The following PEAK1 variants were observed in gnomAD, a reference collection of about 807,000 sequenced individuals.
The protein encoded by PEAK1 is pseudopodium enriched atypical kinase 1.
PEAK1 carries 54 observed loss-of-function variants against 124.7 expected under a neutral mutation model. The ratio of observed to expected loss-of-function variants is 0.43; its 90% CI spans 0.35 to 0.54. PEAK1 has a LOEUF of 0.54. Ranked by LOEUF, PEAK1 falls within the 20% of genes least tolerant of loss-of-function variation. PEAK1 has a pLI of 0.01. For synonymous variants in PEAK1, 719 were observed against 760.0 expected (o/e 0.95, Z 0.89); for missense variants, 2,046 against 2,134.5 (o/e 0.96, Z 0.82).
chr15:77,287,027 T>C (rs916207519), intron 2 of PEAK1, among the ~76,000 whole-genome samples: 2 of 152,204 alleles, frequency 1.3e-5, no homozygotes, highest in Non-Finnish European at 2.9e-5. Flanking sequence ...CCCAGTCATG[T>C]ACCCTGTAGA....
At chr15:77,347,089 C>G in intron 2 of PEAK1, 1 of 477,780 alleles carries the variant, frequency 2.1e-6, no homozygotes, top group Non-Finnish European at 2.7e-6. Context: ...TGCAGAGGGA[C>G]AAGGAGTAGA....
chr15:77,257,133 A>G (rs1444039063), intron 5 of PEAK1, among the ~76,000 whole-genome samples: 1 of 152,072 alleles, frequency 6.6e-6, no homozygotes, highest in African/African-American at 2.4e-5. Flanking sequence ...TCATTGATGG[A>G]CATTTGGGTT....
At chr15:77,385,186 A>G (rs2069822956) in intron 1 of PEAK1, among the ~76,000 whole-genome samples, 1 of 152,232 alleles carries the variant, frequency 6.6e-6, no homozygotes. Context: ...AGCAATAAGT[A>G]TAACACCATC....
chr15:77,265,641 C>G (rs957173443), intron 5 of PEAK1, among the ~76,000 whole-genome samples: 3 of 151,780 alleles, frequency 2.0e-5, no homozygotes, highest in Non-Finnish European at 4.4e-5. Flanking sequence ...AATAGGAACA[C>G]TTTTACACTG....
intron 1 of PEAK1, among the ~76,000 whole-genome samples, chr15:77,366,103 T>C (rs1402803986): frequency 6.6e-6 from 1 of 152,228 alleles, no homozygotes; most frequent in Admixed American, 6.5e-5. Flanking sequence ...ATTATAGTCA[T>C]TGGCACCCTT....
intron 6 of PEAK1, among the ~76,000 whole-genome samples, chr15:77,250,834 G>C (rs1407886599): frequency 6.6e-6 from 1 of 152,154 alleles, no homozygotes; most frequent in Non-Finnish European, 1.5e-5. Context: ...CTCCCAAAGT[G>C]CTGGGATTAC....
At position 77,108,314 on chromosome 15, in the gene PEAK1, G is replaced by T. The variant is rs1451945933; in HGVS notation, c.*5842C>A. ...ACAACTTTACAATATGTAAGTAGAGGGGTGAAGCTCCGGAAAGAGCAAAAA... is the reference window on the plus strand; with the variant it reads ...ACAACTTTACAATATGTAAGTAGAGTGGTGAAGCTCCGGAAAGAGCAAAAA... On this transcript the variant is annotated 3_prime_UTR_variant, in exon 10 of 10. Transcript: ENST00000682557. The T allele has an allele frequency of 6.6e-6, 1 of 152,218 alleles. No homozygotes were observed. The highest frequency in any genetic ancestry group is 1.5e-5 in the Non-Finnish European group (1 of 68,042). 9.4% of individuals were successfully genotyped at this position (152,218 alleles called of 1,614,324 possible). A position where few individuals can be genotyped will look rare whatever the true frequency, so the allele number is the denominator to read the frequency against.
intron 1 of PEAK1, chr15:77,381,152 A>C (rs1351448377): frequency 1.1e-6 from 1 of 899,244 alleles, no homozygotes; most frequent in Non-Finnish European, 1.3e-6. Context: ...ACATGCTAAA[A>C]ATCATGTTTT....
At chr15:77,418,344 C>A in intron 1 of PEAK1, 1 of 985,248 alleles carries the variant, frequency 1.0e-6, no homozygotes, top group Non-Finnish European at 1.2e-6. Flanking sequence ...AATAATTTGA[C>A]ATTTTTTCCC....
intron 8 of PEAK1, chr15:77,157,690 A>T (rs1262573451): frequency 6.6e-6 from 1 of 152,154 alleles, no homozygotes; most frequent in East Asian, 1.9e-4. Flanking sequence ...GATACATTAT[A>T]GATTCTTTAC....
chr15:77,107,578 C>G (rs573451847), downstream of PEAK1: 1 of 152,234 alleles, frequency 6.6e-6, no homozygotes, highest in Non-Finnish European at 1.5e-5. Flanking sequence ...TCTCATAATG[C>G]GGCAGTTGTT....
At chr15:77,401,471 A>C in intron 1 of PEAK1, 1 of 933,886 alleles carries the variant, frequency 1.1e-6, no homozygotes, top group Middle Eastern at 5.4e-4. Flanking sequence ...ATGACAGTCA[A>C]TCTGCACTAG....
chr15:77,182,359 C>CT (rs2057318895), intron 6 of PEAK1, among the ~76,000 whole-genome samples: 1 of 152,082 alleles, frequency 6.6e-6, no homozygotes. Flanking sequence ...ACCAATTTCT[C>CT]TAACACTTCC....
At chr15:77,292,253 C>T (rs1196667486) in intron 2 of PEAK1, among the ~76,000 whole-genome samples, 1 of 152,094 alleles carries the variant, frequency 6.6e-6, no homozygotes, top group Non-Finnish European at 1.5e-5. Context: ...ACATTTTCAT[C>T]AACTAGCCAA....
chr15:77,269,092 A>G (rs1451375218), intron 5 of PEAK1, among the ~76,000 whole-genome samples: 1 of 152,034 alleles, frequency 6.6e-6, no homozygotes, highest in Admixed American at 6.6e-5. Flanking sequence ...GGACCTATAA[A>G]ACAACAACAC....
chr15:77,318,349 A>T (rs2065001307), intron 2 of PEAK1, among the ~76,000 whole-genome samples: 1 of 152,206 alleles, frequency 6.6e-6, no homozygotes, highest in Non-Finnish European at 1.5e-5. Flanking sequence ...ACTTCCTGTG[A>T]ATATTTAACT....
chr15:77,404,305 C>A, intron 1 of PEAK1: 1 of 985,380 alleles, frequency 1.0e-6, no homozygotes, highest in Non-Finnish European at 1.2e-6. Context: ...ATTGCATCTT[C>A]TGGGGGGAAA....
At chr15:77,331,473 A>G (rs1385305323) in intron 2 of PEAK1, among the ~76,000 whole-genome samples, 1 of 152,166 alleles carries the variant, frequency 6.6e-6, no homozygotes, top group Non-Finnish European at 1.5e-5. Context: ...CATTTACTGT[A>G]TCATAAATAT....
chr15:77,418,948 T>C (rs994059365), intron 1 of PEAK1: 9 of 985,222 alleles, frequency 9.1e-6, no homozygotes, highest in Middle Eastern at 5.2e-4. Flanking sequence ...GACCTAAAAA[T>C]AGTCTTTTAT....
Sources: gnomAD v4.1 joint callset for allele counts (sites outside exome capture counted in the v4.1 genomes callset) on GRCh38, gnomAD v4.1.1 for gene constraint, MANE v1.5 for transcripts, NCBI Gene and HGNC (gene_info 2026-07-23, HGNC 2026-07-21) for gene names.